The following TMEM132C variants were observed in gnomAD, a reference collection of about 807,000 sequenced individuals.
TMEM132C encodes transmembrane protein 132C, also known as protein phosphatase 1, regulatory subunit 152.
A neutral mutation model predicts 61.4 loss-of-function variants in TMEM132C; 29 were observed. That is an observed-to-expected ratio of 0.47 (90% CI 0.35 to 0.64). The LOEUF is 0.64. Ranked by LOEUF, TMEM132C falls within the 30% of genes least tolerant of loss-of-function variation. TMEM132C has a pLI of 0.00. For synonymous variants in TMEM132C, 656 were observed against 633.1 expected, an observed-to-expected ratio of 1.04 and a Z score of -0.54; for missense variants, 1,408 against 1,476.9, an observed-to-expected ratio of 0.95 and a Z score of 0.76.
At chr12:128,336,754 C>G (rs1872800474) in intron 1 of TMEM132C, among the ~76,000 whole-genome samples, 2 of 152,116 alleles carry the variant, frequency 1.3e-5, no homozygotes, top group African/African-American at 4.8e-5. Context: ...GCAAAAGTCC[C>G]CAAGACCCAG....
intron 2 of TMEM132C, among the ~76,000 whole-genome samples, chr12:128,448,194 A>G (rs1870056792): frequency 6.6e-6 from 1 of 152,160 alleles, no homozygotes. Flanking sequence ...CATAACTAGT[A>G]GTTGGTGGAG....
At chr12:128,398,787 C>A (rs1285169145) in intron 1 of TMEM132C, among the ~76,000 whole-genome samples, 2 of 151,128 alleles carry the variant, frequency 1.3e-5, no homozygotes, top group African/African-American at 2.5e-5. Flanking sequence ...CCCGGACCAA[C>A]AGGGTGTTGA....
At chr12:128,274,923 C>T (rs1004625728) in intron 1 of TMEM132C, among the ~76,000 whole-genome samples, 31 of 152,058 alleles carry the variant, frequency 2.0e-4, no homozygotes, top group African/African-American at 5.8e-4. Context: ...TTGTGTAGGC[C>T]CATCTCTATC....
intron 1 of TMEM132C, among the ~76,000 whole-genome samples, chr12:128,403,661 A>G (rs1475085140): frequency 6.6e-6 from 1 of 152,208 alleles, no homozygotes; most frequent in Admixed American, 6.5e-5. Flanking sequence ...CCCATCATCG[A>G]CATGAGAATT....
intron 3 of TMEM132C, among the ~76,000 whole-genome samples, chr12:128,600,321 G>A (rs1876139406): frequency 6.6e-6 from 1 of 151,918 alleles, no homozygotes; most frequent in Non-Finnish European, 1.5e-5. Context: ...CCCCTTTTTT[G>A]CTCAGCACTT....
intron 1 of TMEM132C, among the ~76,000 whole-genome samples, chr12:128,327,160 T>C (rs1437057848): frequency 6.7e-6 from 1 of 149,882 alleles, no homozygotes; most frequent in Non-Finnish European, 1.5e-5. Context: ...CATTAGCAGA[T>C]TGCTTAATAA....
intron 2 of TMEM132C, among the ~76,000 whole-genome samples, chr12:128,436,968 A>T (rs1371160741): frequency 6.6e-6 from 1 of 152,340 alleles, no homozygotes; most frequent in Admixed American, 6.5e-5. Context: ...ATGCAGCCAT[A>T]AAAAAGGATG....
Position 128,694,048 on chromosome 12 carries a change from G to A in TMEM132C, c.1655+14G>A, listed in dbSNP as rs1954739288. 2 of 1,550,966 alleles carry A rather than the reference G, an allele frequency of 1.3e-6. No homozygotes were observed. The highest frequency in any genetic ancestry group is 1.7e-6 in the Non-Finnish European group (2 of 1,146,682). On this transcript the variant is annotated intron_variant, in intron 6 of 8. Coordinates refer to ENST00000435159, the MANE Select transcript of TMEM132C (RefSeq NM_001136103.3). ...GACCAATAAGAGGTGAGCCTCGGAT[G>A]GGGAGATGCCCTAGAGCCAAAACAA... is the stretch of plus-strand genomic sequence containing the variant.
rs1954832325 is a variant in TMEM132C, at chr12:128,705,583, G to T, written c.2615G>T (p.Ser872Ile). Reference sequence around the variant, plus strand: ...CTGGACAACAAAGTGGTGAAGAACAGTCGGGCAGACGGGGGCAGGCTGGCA... The same window carrying T: ...CTGGACAACAAAGTGGTGAAGAACATTCGGGCAGACGGGGGCAGGCTGGCA... ...SLLDNKVVKN[S>I]RADGGRLAGE... Residue 872 changes from serine (S) to isoleucine (I), a missense_variant, in exon 9 of 9, where the codon AGT becomes ATT. Physicochemically the swap from Ser to Ile is moderately radical, Grantham distance 142. Coordinates refer to ENST00000435159, the MANE Select transcript of TMEM132C (RefSeq NM_001136103.3). The T allele has an allele frequency of 1.9e-6, 3 of 1,551,198 alleles. No homozygotes were observed. The highest frequency in any genetic ancestry group is 4.9e-5 in the East Asian group (2 of 40,922).
chr12:128,510,842 G>A (rs1377737595), intron 2 of TMEM132C, among the ~76,000 whole-genome samples: 2 of 152,232 alleles, frequency 1.3e-5, no homozygotes, highest in Non-Finnish European at 2.9e-5. Flanking sequence ...AGTGGCAGAT[G>A]GAACCTTCTC....
chr12:128,624,587 A>G (rs1361476574), intron 4 of TMEM132C, among the ~76,000 whole-genome samples: 2 of 150,512 alleles, frequency 1.3e-5, no homozygotes, highest in African/African-American at 4.9e-5. Context: ...ATGACCCCCA[A>G]CTCATGGGCC....
chr12:128,349,666 A>C lies in TMEM132C; in HGVS notation c.86-65066A>C, dbSNP rs1350565891. Among the ~76,000 whole-genome samples the C allele has an allele frequency of 4.4e-4, 67 of 152,298 alleles. 1 individual carries two copies. On this transcript the variant is annotated intron_variant, in intron 1 of 8. Coordinates refer to ENST00000435159, the MANE Select transcript of TMEM132C (RefSeq NM_001136103.3). ...TTTGTGTTTCAGGTATGCTAGGTAC[A>C]TACCATCAAAGCAGGCTGGACAAAG... is the stretch of plus-strand genomic sequence containing the variant.
chr12:128,384,839 ACAC>A (rs1190365058), intron 1 of TMEM132C, among the ~76,000 whole-genome samples: 2 of 152,178 alleles, frequency 1.3e-5, no homozygotes, highest in East Asian at 3.9e-4. Context: ...AAAGATGCGC[ACAC>A]TGAGACATAA....
At chr12:128,667,348 A>G (rs7133459) in intron 4 of TMEM132C, among the ~76,000 whole-genome samples, 48,292 of 152,026 alleles carry the variant, frequency 0.32, 8,110 homozygotes, top group African/African-American at 0.44. Context: ...ACTGAACTCC[A>G]AGCACATTAC....
chr12:128,285,741 AT>A (rs1871037755), intron 1 of TMEM132C, among the ~76,000 whole-genome samples: 2 of 27,894 alleles, frequency 7.2e-5, no homozygotes, highest in African/African-American at 2.0e-4. Context: ...CTCTCTCCCC[AT>A]CTCTATCCCT....
chr12:128,670,343 G>T (rs59869406), intron 5 of TMEM132C, among the ~76,000 whole-genome samples: 4,048 of 152,204 alleles, frequency 0.027, 191 homozygotes, highest in African/African-American at 0.092. Context: ...GTAACTAAAT[G>T]TAGCATATTA....
At chr12:128,363,071 G>A (rs1452473436) in intron 1 of TMEM132C, among the ~76,000 whole-genome samples, 1 of 152,176 alleles carries the variant, frequency 6.6e-6, no homozygotes, top group Non-Finnish European at 1.5e-5. Flanking sequence ...TTACGATTGA[G>A]CTACAAAAGT....
At chr12:128,315,050 A>C (rs1041295254) in intron 1 of TMEM132C, among the ~76,000 whole-genome samples, 1 of 152,216 alleles carries the variant, frequency 6.6e-6, no homozygotes, top group Non-Finnish European at 1.5e-5. Context: ...ACCCAGAGGC[A>C]GGTTGCGATG....
intron 2 of TMEM132C, among the ~76,000 whole-genome samples, chr12:128,532,664 A>G (rs1344405418): frequency 6.8e-6 from 1 of 147,478 alleles, no homozygotes; most frequent in African/African-American, 2.5e-5. Flanking sequence ...AAAAAAAAAA[A>G]AAAGAGCAGT....
Sources: allele counts gnomAD v4.1 joint callset (sites outside exome capture counted in the v4.1 genomes callset), GRCh38; gene constraint gnomAD v4.1.1; transcripts MANE v1.5; gene names NCBI Gene and HGNC (gene_info 2026-07-23, HGNC 2026-07-21).